The following PCDH11X variants were observed in gnomAD, a reference collection of about 807,000 sequenced individuals.
PCDH11X encodes protocadherin 11 X-linked.
PCDH11X carries 18 observed loss-of-function variants against 53.3 expected under a neutral mutation model. That is an observed-to-expected ratio of 0.34 (90% CI 0.23 to 0.50). PCDH11X has a LOEUF of 0.50. Among genes scored for constraint, PCDH11X ranks in the 20% least tolerant of loss-of-function variants. The pLI is 0.98. For missense variants in PCDH11X, 570 were observed against 1,032.4 expected (o/e 0.55, Z 6.14); for synonymous variants, 279 against 393.3 (o/e 0.71, Z 3.44).
intron 6 of PCDH11X, among the ~76,000 whole-genome samples, chrX:92,031,854 A>T (rs930395500): frequency 8.1e-5 from 9 of 111,557 alleles, no homozygotes; most frequent in African/African-American, 2.6e-4. Context: ...GTCTGTTTTT[A>T]ATGTCAGTGC....
At chrX:92,161,576 G>C (rs1603084362) in intron 6 of PCDH11X, among the ~76,000 whole-genome samples, 2 of 109,201 alleles carry the variant, frequency 1.8e-5, no homozygotes, top group Admixed American at 2.0e-4. Context: ...AGCAAGGCCG[G>C]GGAAGTTTTC....
At chrX:91,829,270 A>G (rs1240422962) in intron 4 of PCDH11X, among the ~76,000 whole-genome samples, 1 of 109,415 alleles carries the variant, frequency 9.1e-6, no homozygotes, top group Non-Finnish European at 1.9e-5. Context: ...CCTTATATAT[A>G]AAACTCATAG....
At chrX:91,982,443 G>A (rs2062154966) in intron 6 of PCDH11X, among the ~76,000 whole-genome samples, 1 of 109,416 alleles carries the variant, frequency 9.1e-6, no homozygotes, top group Admixed American at 9.8e-5. Flanking sequence ...GTTCCCCCAA[G>A]TCTACCACTG....
At chrX:92,290,727 G>T (rs1416049951) in intron 8 of PCDH11X, among the ~76,000 whole-genome samples, 2 of 104,646 alleles carry the variant, frequency 1.9e-5, no homozygotes, top group South Asian at 4.5e-4. Flanking sequence ...CATCAATCAC[G>T]TTATTTCAGG....
chrX:92,572,260 A>G (rs944790463), intron 10 of PCDH11X, among the ~76,000 whole-genome samples: 1 of 111,239 alleles, frequency 9.0e-6, no homozygotes, highest in Non-Finnish European at 1.9e-5. Context: ...CAGAGTTGAG[A>G]GCAGTTCTTA....
intron 6 of PCDH11X, among the ~76,000 whole-genome samples, chrX:92,069,801 C>T (rs770411399): frequency 9.0e-6 from 1 of 111,537 alleles, no homozygotes; most frequent in Non-Finnish European, 1.9e-5. Context: ...CTTGCCTCAG[C>T]CCCGCAAGTA....
intron 6 of PCDH11X, among the ~76,000 whole-genome samples, chrX:92,016,206 C>T (rs2525226): frequency 8.4e-5 from 9 of 106,604 alleles, no homozygotes; most frequent in Admixed American, 1.0e-4. Context: ...CTTTGTTGTT[C>T]CATGTGTAGA....
Position 92,376,862 on chromosome X carries a change from A to T in PCDH11X, c.3145-10873A>T, listed in dbSNP as rs192704345. On this transcript the variant is annotated intron_variant, in intron 8 of 10. Coordinates refer to ENST00000682573, the MANE Select transcript of PCDH11X (RefSeq NM_032968.5). Reference sequence around the variant, plus strand: ...TAATGGCAGTTTTCAAAGTACCACCAGTTCTAACTCCTGACCCTTATGTCA... The same window carrying T: ...TAATGGCAGTTTTCAAAGTACCACCTGTTCTAACTCCTGACCCTTATGTCA... 5.4e-4 allele frequency among the ~76,000 whole-genome samples: 61 copies of T among 112,006 alleles called. No homozygotes were observed. In the East Asian group the frequency reaches 0.014, roughly 25 times the overall value.
Position 92,278,806 on chromosome X carries a change from G to GTTTTTTTTTTTTTTTTTTTTT in PCDH11X, c.3144+15665_3144+15685dup, listed in dbSNP as rs35000823. Among the ~76,000 whole-genome samples the GTTTTTTTTTTTTTTTTTTTTT allele has an allele frequency of 2.1e-4, 10 of 47,372 alleles. 1 individual carries two copies. Among genetic ancestry groups the GTTTTTTTTTTTTTTTTTTTTT allele is most frequent in the African/African-American group, 9.3e-4 (10 of 10,802 alleles). 41.1% of individuals were successfully genotyped at this position (47,372 alleles called of 115,157 possible). ...TCAGAGGCCTGACAGTCTCTTTTCA[G>GTTTTTTTTTTTTTTTTTTTTT]TTTTTTTTTTTTTTTTTTTTTTGAG... On this transcript the variant is annotated intron_variant, in intron 8 of 10. Coordinates refer to ENST00000682573, the MANE Select transcript of PCDH11X (RefSeq NM_032968.5).
At chrX:92,081,341 G>T (rs1395238545) in intron 6 of PCDH11X, among the ~76,000 whole-genome samples, 1 of 110,146 alleles carries the variant, frequency 9.1e-6, no homozygotes, top group African/African-American at 3.3e-5. Context: ...AGAGAGATCT[G>T]ACTCCAAAAT....
At chrX:92,606,003 G>A (rs1354989568) in intron 10 of PCDH11X, among the ~76,000 whole-genome samples, 4 of 110,305 alleles carry the variant, frequency 3.6e-5, no homozygotes, top group East Asian at 2.9e-4. Context: ...AGACCGAGGC[G>A]GGCGGATCAC....
chrX:92,498,585 C>T (rs2073902117), intron 10 of PCDH11X, among the ~76,000 whole-genome samples: 1 of 109,775 alleles, frequency 9.1e-6, no homozygotes, highest in Non-Finnish European at 1.9e-5. Flanking sequence ...ATTATATTGG[C>T]CATATAGTTA....
chrX:92,384,978 A>G (rs923213015), intron 8 of PCDH11X, among the ~76,000 whole-genome samples: 11 of 102,035 alleles, frequency 1.1e-4, no homozygotes, highest in Non-Finnish European at 2.0e-4. Context: ...GCCTATTCCC[A>G]GGAATGGACA....
At chrX:92,385,459 A>C (rs778151621) in intron 8 of PCDH11X, among the ~76,000 whole-genome samples, 21 of 104,982 alleles carry the variant, frequency 2.0e-4, no homozygotes, top group Non-Finnish European at 9.8e-5. Flanking sequence ...AAATCTTAGA[A>C]AATACAGTGT....
chrX:92,474,242 A>G (rs1386869949), intron 10 of PCDH11X, among the ~76,000 whole-genome samples: 2 of 110,981 alleles, frequency 1.8e-5, no homozygotes, highest in Non-Finnish European at 3.8e-5. Flanking sequence ...TTGAAATATA[A>G]TTTGTCTGAT....
chrX:91,877,974 T>C lies in PCDH11X; in HGVS notation c.1734T>C (p.Tyr578=), dbSNP rs371506975. The part of the protein sequence containing the change: ...PVFTHNEYNF[Y]VPENLPRHGT... ...TCACTCACAATGAATACAACTTCTA[T>C]GTCCCAGAAAACCTTCCAAGGCATG... Residue 578 remains tyrosine, a synonymous_variant, in exon 6 of 11, where the codon TAT becomes TAC. Coordinates refer to ENST00000682573, the MANE Select transcript of PCDH11X (RefSeq NM_032968.5). 10 of 1,209,857 alleles carry C rather than the reference T, an allele frequency of 8.3e-6. No individual in the cohort carries two copies. The African/African-American group carries it at 1.6e-4, about 19-fold the overall frequency.
chrX:92,548,464 CGCAGCCCCTAAA>C (rs1569503383), intron 10 of PCDH11X, among the ~76,000 whole-genome samples: 1 of 111,856 alleles, frequency 8.9e-6, no homozygotes, highest in Admixed American at 9.5e-5. Context: ...AGCCATCGCA[CGCAGCCCCTAAA>C]ATTCTCTTAT....
At chrX:92,094,617 A>C (rs1274517180) in intron 6 of PCDH11X, among the ~76,000 whole-genome samples, 1 of 111,290 alleles carries the variant, frequency 9.0e-6, no homozygotes, top group African/African-American at 3.3e-5. Context: ...GAGACATTTA[A>C]CTGCTCTATC....
At position 91,877,378 on chromosome X, in the gene PCDH11X, A is replaced by G; in HGVS notation, c.1138A>G (p.Ile380Val). The change falls in exon 6 of 11, where the codon ATT (isoleucine) becomes GTT (valine). Residue 380 changes from isoleucine (I) to valine (V), a missense_variant. Physicochemically the swap from Ile to Val is conservative, Grantham distance 29. Coordinates refer to ENST00000682573, the MANE Select transcript of PCDH11X (RefSeq NM_032968.5). ...LSENIPLNTKIALITVTDKDA... is the reference protein window; with the variant it reads ...LSENIPLNTKVALITVTDKDA... Reference sequence around the variant, plus strand: ...AGAAAATATTCCACTCAACACCAAAATTGCTCTCATAACTGTGACGGATAA... The same window carrying G: ...AGAAAATATTCCACTCAACACCAAAGTTGCTCTCATAACTGTGACGGATAA... The G allele has an allele frequency of 4.1e-6, 5 of 1,206,633 alleles. No individual in the cohort carries two copies. Among genetic ancestry groups the G allele is most frequent in the Non-Finnish European group, 5.6e-6 (5 of 893,972 alleles).
Sources: allele counts gnomAD v4.1 joint callset (sites outside exome capture counted in the v4.1 genomes callset), GRCh38; gene constraint gnomAD v4.1.1; transcripts MANE v1.5; gene names NCBI Gene and HGNC (gene_info 2026-07-23, HGNC 2026-07-21).